The following LRRTM4 variants were observed in gnomAD, a reference collection of about 807,000 sequenced individuals.
LRRTM4 encodes the protein leucine-rich repeat transmembrane neuronal protein 4.
Under a neutral mutation model 47.6 loss-of-function variants are expected in LRRTM4, and 25 were observed. The observed-to-expected ratio is 0.53, with a 90% CI of 0.38 to 0.73. LRRTM4 has a LOEUF of 0.73. Ranked by LOEUF, LRRTM4 falls within the 30% of genes least tolerant of loss-of-function variation. LRRTM4 has a pLI of 0.00. For synonymous variants in LRRTM4, 311 were observed against 269.5 expected (o/e 1.15, Z -1.51); for missense variants, 638 against 713.4 (o/e 0.89, Z 1.20).
intron 3 of LRRTM4, among the ~76,000 whole-genome samples, chr2:76,778,987 C>G (rs1177168197): frequency 1.4e-5 from 2 of 143,348 alleles, no homozygotes; most frequent in Non-Finnish European, 3.0e-5. Flanking sequence ...TTTCAAAGAA[C>G]ATCCTTATTT....
At chr2:76,862,908 G>A (rs527485910) in intron 3 of LRRTM4, among the ~76,000 whole-genome samples, 2 of 152,290 alleles carry the variant, frequency 1.3e-5, no homozygotes, top group African/African-American at 4.8e-5. Flanking sequence ...GTTAAGGGTA[G>A]CAACATATGT....
intron 3 of LRRTM4, among the ~76,000 whole-genome samples, chr2:77,044,923 A>G (rs1020689413): frequency 1.3e-5 from 2 of 151,796 alleles, no homozygotes; most frequent in East Asian, 1.9e-4. Context: ...GTTTGTGTGT[A>G]TATGTGTATA....
intron 3 of LRRTM4, among the ~76,000 whole-genome samples, chr2:77,111,415 C>T (rs1327242973): frequency 3.3e-5 from 5 of 151,840 alleles, no homozygotes; most frequent in Non-Finnish European, 7.4e-5. Flanking sequence ...GTATGAGCCA[C>T]CGCGCCTGGC....
intron 3 of LRRTM4, among the ~76,000 whole-genome samples, chr2:76,908,990 C>G (rs928349106): frequency 2.6e-5 from 4 of 152,186 alleles, no homozygotes; most frequent in Non-Finnish European, 5.9e-5. Flanking sequence ...TTGGAAAAAA[C>G]TACTTTAAAG....
At chr2:76,834,026 A>AT (rs200949492) in intron 3 of LRRTM4, among the ~76,000 whole-genome samples, 44 of 123,740 alleles carry the variant, frequency 3.6e-4, no homozygotes, top group African/African-American at 1.6e-3. Flanking sequence ...TTTATTATTT[A>AT]TTTATTTATT....
intron 3 of LRRTM4, among the ~76,000 whole-genome samples, chr2:77,376,113 A>AT (rs1672830787): frequency 6.6e-6 from 1 of 151,828 alleles, no homozygotes; most frequent in Non-Finnish European, 1.5e-5. Context: ...AAACTAAACT[A>AT]TTTTTGTATA....
intron 3 of LRRTM4, among the ~76,000 whole-genome samples, chr2:76,778,985 A>G (rs1450813989): frequency 6.9e-6 from 1 of 145,308 alleles, no homozygotes; most frequent in Admixed American, 6.9e-5. Context: ...GGTTTCAAAG[A>G]ACATCCTTAT....
intron 3 of LRRTM4, among the ~76,000 whole-genome samples, chr2:77,151,779 A>G (rs942204113): frequency 8.9e-6 from 1 of 111,986 alleles, no homozygotes; most frequent in Non-Finnish European, 1.8e-5. Flanking sequence ...GAACAGAAAG[A>G]TCTTGTTTGT....
chr2:77,414,522 G>A (rs974389247), intron 3 of LRRTM4, among the ~76,000 whole-genome samples: 1 of 152,088 alleles, frequency 6.6e-6, no homozygotes, highest in African/African-American at 2.4e-5. Context: ...AGATTATTTT[G>A]TGTCTTTAAT....
intron 3 of LRRTM4, among the ~76,000 whole-genome samples, chr2:77,451,014 T>C (rs887193972): frequency 3.9e-5 from 6 of 152,316 alleles, no homozygotes; most frequent in African/African-American, 1.4e-4. Flanking sequence ...ATATGTAAAC[T>C]TTTGCAATAA....
chr2:77,255,656 C>T (rs937406413), intron 3 of LRRTM4, among the ~76,000 whole-genome samples: 1 of 151,986 alleles, frequency 6.6e-6, no homozygotes, highest in Non-Finnish European at 1.5e-5. Context: ...TTAAATCACA[C>T]TTCTAAATAA....
At chr2:77,303,340 T>C (rs544792906) in intron 3 of LRRTM4, among the ~76,000 whole-genome samples, 7 of 152,294 alleles carry the variant, frequency 4.6e-5, no homozygotes, top group African/African-American at 1.2e-4. Flanking sequence ...GGTTGATTAG[T>C]ATGTACTTAA....
At chr2:77,505,755 T>A (rs1678744503) in intron 3 of LRRTM4, among the ~76,000 whole-genome samples, 1 of 151,634 alleles carries the variant, frequency 6.6e-6, no homozygotes, top group African/African-American at 2.4e-5. Context: ...CATTATCATA[T>A]CTGTATTAGA....
intron 3 of LRRTM4, among the ~76,000 whole-genome samples, chr2:76,799,938 C>G (rs1427283908): frequency 6.6e-6 from 1 of 150,804 alleles, no homozygotes; most frequent in Admixed American, 6.6e-5. Context: ...AACCACTGCT[C>G]AAGGAAATAA....
intron 3 of LRRTM4, among the ~76,000 whole-genome samples, chr2:77,039,158 G>A (rs1678942655): frequency 6.6e-6 from 1 of 151,248 alleles, no homozygotes; most frequent in East Asian, 1.9e-4. Context: ...ACATACCTAA[G>A]TTTTAACAGA....
intron 3 of LRRTM4, among the ~76,000 whole-genome samples, chr2:77,469,386 A>C (rs774162669): frequency 2.6e-4 from 35 of 136,156 alleles, no homozygotes; most frequent in Admixed American, 5.6e-4. Flanking sequence ...GGGGGGCAGG[A>C]AAAAAATCCT....
chr2:76,859,561 C>T (rs1343068002), intron 3 of LRRTM4, among the ~76,000 whole-genome samples: 3 of 152,194 alleles, frequency 2.0e-5, no homozygotes, highest in African/African-American at 7.2e-5. Flanking sequence ...GTATCCCTAA[C>T]CTACAATATT....
At chr2:77,325,623 A>G (rs1670739478) in intron 3 of LRRTM4, among the ~76,000 whole-genome samples, 1 of 151,724 alleles carries the variant, frequency 6.6e-6, no homozygotes, top group Non-Finnish European at 1.5e-5. Flanking sequence ...ATTCCTCTCT[A>G]AGGGCCCTTT....
intron 3 of LRRTM4, among the ~76,000 whole-genome samples, chr2:77,117,747 T>C (rs779488731): frequency 3.3e-5 from 5 of 151,966 alleles, no homozygotes; most frequent in Non-Finnish European, 7.4e-5. Flanking sequence ...GGACAGCTTT[T>C]TATGGTTTAT....
Sources: allele counts gnomAD v4.1 joint callset (sites outside exome capture counted in the v4.1 genomes callset), GRCh38; gene constraint gnomAD v4.1.1; transcripts MANE v1.5; gene names NCBI Gene and HGNC (gene_info 2026-07-23, HGNC 2026-07-21).